Variants in GRID2 observed in about 807,000 individuals in gnomAD.
GRID2 encodes the protein glutamate receptor ionotropic, delta-2.
GRID2 carries 33 observed loss-of-function variants against 114.8 expected under a neutral mutation model. The observed-to-expected ratio is 0.29, with a 90% CI of 0.22 to 0.38. GRID2 has a LOEUF of 0.38. GRID2 is among the 10% of genes least tolerant of loss of function. The pLI, the probability that GRID2 is intolerant of heterozygous loss-of-function variation, is 1.00. For synonymous variants in GRID2, 505 were observed against 449.9 expected (o/e 1.12, Z -1.55); for missense variants, 1,184 against 1,257.7 (o/e 0.94, Z 0.89).
chr4:93,368,383 T>C (rs1180651533), intron 8 of GRID2, among the ~76,000 whole-genome samples: 1 of 147,970 alleles, frequency 6.8e-6, no homozygotes, highest in African/African-American at 2.6e-5. Context: ...TATGGGGATA[T>C]AGTAAGACTC....
At chr4:93,083,411 C>T (rs1176512370) in intron 2 of GRID2, among the ~76,000 whole-genome samples, 2 of 151,882 alleles carry the variant, frequency 1.3e-5, no homozygotes, top group African/African-American at 2.4e-5. Flanking sequence ...AGCATCCATC[C>T]AGGCCAGGCA....
chr4:92,329,993 AAGAGAGAGAGAG>A (rs3076580), intron 1 of GRID2, among the ~76,000 whole-genome samples: 10 of 132,490 alleles, frequency 7.5e-5, no homozygotes, highest in East Asian at 2.4e-4. Flanking sequence ...TATGGGAGGA[AAGAGAGAGAGAG>A]AGAGAGAGAG....
intron 11 of GRID2, among the ~76,000 whole-genome samples, chr4:93,470,091 C>T (rs1283705337): frequency 6.6e-6 from 1 of 152,034 alleles, no homozygotes; most frequent in African/African-American, 2.4e-5. Context: ...TTGAAAATTA[C>T]ATTTGATGAC....
chr4:93,129,104 G>A (rs1455597300), intron 4 of GRID2, among the ~76,000 whole-genome samples: 23 of 152,102 alleles, frequency 1.5e-4, no homozygotes, highest in Admixed American at 1.5e-3. Context: ...CAGAATAACT[G>A]CCACTAGGAG....
At chr4:92,692,577 A>G (rs1458480540) in intron 2 of GRID2, among the ~76,000 whole-genome samples, 1 of 152,180 alleles carries the variant, frequency 6.6e-6, no homozygotes, top group Non-Finnish European at 1.5e-5. Flanking sequence ...ATAGTAACTT[A>G]GATTTTTTAA....
chr4:93,062,491 C>T (rs774411150), intron 2 of GRID2, among the ~76,000 whole-genome samples: 2 of 152,030 alleles, frequency 1.3e-5, no homozygotes, highest in Admixed American at 6.6e-5. Context: ...CACCAAAGAG[C>T]GTCATTAGAC....
At chr4:92,339,617 C>A (rs1365883788) in intron 1 of GRID2, among the ~76,000 whole-genome samples, 2 of 152,084 alleles carry the variant, frequency 1.3e-5, no homozygotes, top group Non-Finnish European at 2.9e-5. Context: ...TTAATTAGCT[C>A]AAGGTCACAG....
At chr4:92,832,474 A>C (rs1742181868) in intron 2 of GRID2, among the ~76,000 whole-genome samples, 1 of 151,558 alleles carries the variant, frequency 6.6e-6, no homozygotes, top group Non-Finnish European at 1.5e-5. Context: ...GCTCACCGCA[A>C]CCTCCGCCTC....
At chr4:92,355,524 C>T (rs1176337104) in intron 1 of GRID2, among the ~76,000 whole-genome samples, 4 of 151,710 alleles carry the variant, frequency 2.6e-5, no homozygotes, top group African/African-American at 9.7e-5. Flanking sequence ...AAAAAAAGGT[C>T]ATAAGGGTAA....
intron 2 of GRID2, among the ~76,000 whole-genome samples, chr4:92,935,043 C>A (rs1188692365): frequency 6.8e-6 from 1 of 146,610 alleles, no homozygotes; most frequent in South Asian, 2.3e-4. Context: ...CAAATGGGAT[C>A]TAATTAAACT....
At chr4:93,494,236 T>C (rs961407615) in intron 12 of GRID2, among the ~76,000 whole-genome samples, 5 of 151,958 alleles carry the variant, frequency 3.3e-5, no homozygotes, top group South Asian at 4.1e-4. Flanking sequence ...TGCATGTCAA[T>C]GTACTATTTC....
At chr4:92,947,269 G>A (rs1460243836) in intron 2 of GRID2, among the ~76,000 whole-genome samples, 1 of 151,940 alleles carries the variant, frequency 6.6e-6, no homozygotes, top group African/African-American at 2.4e-5. Context: ...CTCTTTGTCA[G>A]CATGCGTGTG....
chr4:92,577,418 G>C (rs11935893), intron 1 of GRID2, among the ~76,000 whole-genome samples: 1 of 151,944 alleles, frequency 6.6e-6, no homozygotes, highest in Non-Finnish European at 1.5e-5. Flanking sequence ...TGGTAGGACC[G>C]AGGACAGAGA....
chr4:92,849,900 C>G (rs1255940084), intron 2 of GRID2, among the ~76,000 whole-genome samples: 1 of 151,484 alleles, frequency 6.6e-6, no homozygotes, highest in African/African-American at 2.4e-5. Context: ...TGGGTTATTA[C>G]AGTAAATTTA....
intron 8 of GRID2, among the ~76,000 whole-genome samples, chr4:93,380,697 G>A (rs1352519952): frequency 1.3e-5 from 2 of 151,970 alleles, no homozygotes; most frequent in Non-Finnish European, 2.9e-5. Context: ...AGCCTTAGAT[G>A]TCTGATCAAT....
chr4:93,759,025 C>A (rs900064837), intron 14 of GRID2, among the ~76,000 whole-genome samples: 3 of 152,140 alleles, frequency 2.0e-5, no homozygotes, highest in African/African-American at 7.2e-5. Flanking sequence ...TCTCTAGCAT[C>A]TTTCTGGCTT....
At chr4:93,025,762 C>T (rs182143073) in intron 2 of GRID2, among the ~76,000 whole-genome samples, 43 of 151,812 alleles carry the variant, frequency 2.8e-4, no homozygotes, top group African/African-American at 9.9e-4. Context: ...AACATAATAG[C>T]TTCCCATGAG....
At chr4:92,947,763 T>C (rs917292441) in intron 2 of GRID2, among the ~76,000 whole-genome samples, 1 of 151,792 alleles carries the variant, frequency 6.6e-6, no homozygotes, top group African/African-American at 2.4e-5. Context: ...CTTTTTAAAG[T>C]ATTAGAAACA....
At chr4:92,430,046 G>T (rs1466563114) in intron 1 of GRID2, among the ~76,000 whole-genome samples, 1 of 151,972 alleles carries the variant, frequency 6.6e-6, no homozygotes. Context: ...TTCTCCCATT[G>T]TGTGAGTTGT....
Sources: allele counts gnomAD v4.1 joint callset (sites outside exome capture counted in the v4.1 genomes callset), GRCh38; gene constraint gnomAD v4.1.1; transcripts MANE v1.5; gene names NCBI Gene and HGNC (gene_info 2026-07-23, HGNC 2026-07-21).